HOXD13: variants seen among roughly 807,000 people sequenced by gnomAD.
HOXD13 encodes the protein homeobox protein Hox-D13.
A neutral mutation model predicts 27.3 loss-of-function variants in HOXD13; 16 were observed. The ratio of observed to expected loss-of-function variants is 0.59; its 90% CI spans 0.40 to 0.89. HOXD13 has a LOEUF of 0.89. Ranked by LOEUF, HOXD13 falls within the 40% of genes least tolerant of loss-of-function variation. The pLI, the probability that HOXD13 is intolerant of heterozygous loss-of-function variation, is 0.00. For synonymous variants in HOXD13, 241 were observed against 219.0 expected, an observed-to-expected ratio of 1.10 and a Z score of -0.89; for missense variants, 481 against 482.6, an observed-to-expected ratio of 1.00 and a Z score of 0.03.
intron 1 of HOXD13, among the ~76,000 whole-genome samples, chr2:176,094,161 C>G (rs1376194346): frequency 2.6e-5 from 4 of 152,072 alleles, no homozygotes; most frequent in Admixed American, 2.6e-4. Flanking sequence ...TTTATACAAC[C>G]GACATTTGCA....
upstream of HOXD13, among the ~76,000 whole-genome samples, chr2:176,089,266 T>C (rs1689288240): frequency 6.6e-6 from 1 of 152,210 alleles, no homozygotes; most frequent in African/African-American, 2.4e-5. Flanking sequence ...GGGTGTTGCC[T>C]GGAGAGGGAA....
chr2:176,095,334 T>C lies in HOXD13; in HGVS notation c.*604T>C, dbSNP rs1381586217. 2 of 228,260 alleles carry C rather than the reference T, an allele frequency of 8.8e-6. No individual in the cohort carries two copies. The highest frequency in any genetic ancestry group is 1.7e-5 in the Non-Finnish European group (2 of 114,778). 14.1% of individuals were successfully genotyped at this position (228,260 alleles called of 1,614,324 possible). A position where few individuals can be genotyped will look rare whatever the true frequency, so the allele number is the denominator to read the frequency against. ...CCTTATTAAATAGGGATTGTATCAA[T>C]ATTGAAATGAAGACAATCTTTCCAA... On this transcript the variant is annotated 3_prime_UTR_variant, in exon 2 of 2. Transcript: ENST00000392539.
At chr2:176,088,404 G>A (rs1689273581), upstream of HOXD13, among the ~76,000 whole-genome samples, 1 of 152,302 alleles carries the variant, frequency 6.6e-6, no homozygotes, top group Non-Finnish European at 1.5e-5. Context: ...TTCTTCCTGG[G>A]CTCGGTCTAC....
At position 176,093,219 on chromosome 2, in the gene HOXD13, C is replaced by T; in HGVS notation, c.329C>T (p.Pro110Leu). Residue 110 changes from proline to leucine, a missense_variant, in exon 1 of 2, where the codon CCC becomes CTC. Pro to Leu is a moderately conservative substitution (Grantham distance 98). Coordinates refer to ENST00000392539, the MANE Select transcript of HOXD13 (RefSeq NM_000523.4). Reference protein sequence around the residue: ...EAPPAKECPAPTPAAAAAAPP... With the variant: ...EAPPAKECPALTPAAAAAAPP... ...CCCCCAGCCAAAGAGTGCCCAGCAC[C>T]CACGCCTGCAGCGGCCGCTGCAGCG... The T allele has an allele frequency of 1.2e-6, 2 of 1,609,862 alleles. No homozygotes were observed. The highest frequency in any genetic ancestry group is 1.7e-4 in the Middle Eastern group (1 of 6,058).
Position 176,092,855 on chromosome 2 carries a change from G to T in HOXD13, c.-36G>T. The T allele has an allele frequency of 4.2e-6, 5 of 1,190,026 alleles. No homozygotes were observed. The highest frequency in any genetic ancestry group is 5.2e-6 in the Non-Finnish European group (5 of 955,896). 73.7% of individuals were successfully genotyped at this position (1,190,026 alleles called of 1,614,324 possible). ...GCCGCGCCATGGTGTCCTGCGCGGG[G>T]CCAGGGCCAGGGCCGGGGCCGGGCC... On this transcript the variant is annotated 5_prime_UTR_variant, in exon 1 of 2. Transcript: ENST00000392539.
rs3832095 is a variant in HOXD13 at position 176,093,057 on chromosome 2, G to GGGCGGCGGC, written c.174_182dup (p.Ala69_Ala71dup). The stretch of plus-strand genomic sequence containing the variant: ...GTGTTCGCCGGGACGCATTCGGGGC[G>GGGCGGCGGC]GGCGGCGGCGGCGGCAGCGGCGGCT... On this transcript the variant is annotated inframe_insertion, in exon 1 of 2. Transcript: ENST00000392539. 46 of 1,369,912 alleles carry GGGCGGCGGC rather than the reference G, an allele frequency of 3.4e-5. No homozygotes were observed. The highest frequency in any genetic ancestry group is 7.8e-5 in the Admixed American group (2 of 25,726). The allele number at this position is 1,369,912 out of a possible 1,614,324, so 84.9% of individuals were successfully genotyped here. A position where few individuals can be genotyped will look rare whatever the true frequency, so the allele number is the denominator to read the frequency against.
In HOXD13 at chr2:176,094,609, A is replaced by G. The variant is rs376366804; in HGVS notation, c.911A>G (p.Asp304Gly). ...EYAINKFINKDKRRRISAATN... is the reference protein window; with the variant it reads ...EYAINKFINKGKRRRISAATN... ...GCCATTAACAAATTCATTAACAAGG[A>G]CAAGCGGCGGCGTATCTCGGCTGCT... Residue 304 changes from aspartate to glycine, a missense_variant, in exon 2 of 2, where the codon GAC (aspartate) becomes GGC (glycine). Transcript: ENST00000392539. The G allele has an allele frequency of 2.5e-6, 4 of 1,614,086 alleles. No homozygotes were observed. In the African/African-American group the frequency reaches 5.3e-5, roughly 22 times the overall value.
Position 176,093,614 on chromosome 2 carries a change from G to A in HOXD13, c.724G>A (p.Val242Met). The change falls in exon 1 of 2, where the codon GTG (valine) becomes ATG (methionine). Residue 242 changes from valine to methionine, a missense_variant. Physicochemically the swap from Val to Met is conservative, Grantham distance 21 (BLOSUM62 1). Coordinates refer to ENST00000392539, the MANE Select transcript of HOXD13 (RefSeq NM_000523.4). ...GCTGGCTAACGGGTGGAACAGCCAG[G>A]TGTACTGCACCAAGGACCAGCCACA... ...WTLANGWNSQVYCTKDQPQGS... is the reference protein window; with the variant it reads ...WTLANGWNSQMYCTKDQPQGS... 6.2e-7 allele frequency: 1 copy of A among 1,613,490 alleles called. No homozygotes were observed. The highest frequency in any genetic ancestry group is 1.7e-5 in the Admixed American group (1 of 60,024).
Sources: gnomAD v4.1 joint callset for allele counts (sites outside exome capture counted in the v4.1 genomes callset) on GRCh38, gnomAD v4.1.1 for gene constraint, MANE v1.5 for transcripts, NCBI Gene and HGNC (gene_info 2026-07-23, HGNC 2026-07-21) for gene names.